Variants in FAM124A observed in about 807,000 individuals in gnomAD.
The protein encoded by FAM124A is family with sequence similarity 124 member A, also known as protein FAM124A.
FAM124A carries 23 observed loss-of-function variants against 24.5 expected under a neutral mutation model. The ratio of observed to expected loss-of-function variants is 0.94; its 90% CI spans 0.68 to 1.33. The LOEUF is 1.33. Ranked by LOEUF, FAM124A falls within the 40% of genes most tolerant of loss-of-function variation. The pLI, the probability that FAM124A is intolerant of heterozygous loss-of-function variation, is 0.00. For missense variants in FAM124A, 623 were observed against 722.8 expected, an observed-to-expected ratio of 0.86 and a Z score of 1.58; for synonymous variants, 287 against 314.7, an observed-to-expected ratio of 0.91 and a Z score of 0.93.
rs1954687462 is a variant in FAM124A at position 51,257,502 on chromosome 13, T to C, written c.834+5301T>C. 4.6e-5 allele frequency among the ~76,000 whole-genome samples: 7 copies of C among 152,342 alleles called. No individual in the cohort carries two copies. In the South Asian group the frequency reaches 1.5e-3, roughly 32 times the overall value. Reference sequence around the variant, plus strand: ...TAGACCATTTGTGTGCGTGTGCTTATGTGCGTCATCATAAAACATGCATCA... The same window carrying C: ...TAGACCATTTGTGTGCGTGTGCTTACGTGCGTCATCATAAAACATGCATCA... On this transcript the variant is annotated intron_variant, in intron 3 of 3. Transcript: ENST00000322475.
At position 51,251,778 on chromosome 13, in the gene FAM124A, C is replaced by T. The variant is rs757521370; in HGVS notation, c.411C>T (p.His137=). 1.1e-5 allele frequency: 18 copies of T among 1,587,320 alleles called. No individual in the cohort carries two copies. The highest frequency in any genetic ancestry group is 1.6e-4 in the Middle Eastern group (1 of 6,062). ...PWRHHHTEQV[H]GRFLPYLPCS... ...GCCACCACCACACCGAGCAGGTGCACGGCCGGTTCCTGCCCTACCTGCCCT... is the reference window on the plus strand; with the variant it reads ...GCCACCACCACACCGAGCAGGTGCATGGCCGGTTCCTGCCCTACCTGCCCT... Residue 137 remains histidine (H), a synonymous_variant, in exon 3 of 4, where the codon CAC becomes CAT. Coordinates refer to ENST00000322475, the MANE Select transcript of FAM124A (RefSeq NM_001242312.2). This position sits in a 1 kb window ranked among gnomAD's most constrained non-coding sequence, Gnocchi z 5.3.
At position 51,272,028 on chromosome 13, in the gene FAM124A, C is replaced by T. The variant is rs1216317633; in HGVS notation, c.835-8422C>T. Among the ~76,000 whole-genome samples, 1 of 152,122 alleles carries T rather than the reference C, an allele frequency of 6.6e-6. No homozygotes were observed. The highest frequency in any genetic ancestry group is 1.5e-5 in the Non-Finnish European group (1 of 68,036). ...ATCCATTTTTATTATGTCAAGTAGT[C>T]GGGGCTCACTTTTCTCTGAATTAGT... On this transcript the variant is annotated intron_variant, in intron 3 of 3. Coordinates refer to ENST00000322475, the MANE Select transcript of FAM124A (RefSeq NM_001242312.2). The surrounding 1 kb of genome is among the most constrained non-coding windows in gnomAD (Gnocchi z 4.2).
intron 3 of FAM124A, among the ~76,000 whole-genome samples, chr13:51,267,784 C>G (rs58037743): frequency 1.1e-4 from 17 of 152,304 alleles, no homozygotes; most frequent in African/African-American, 3.9e-4. Context: ...AGATTGTGGC[C>G]AACTGAAGTG....
intron 3 of FAM124A, among the ~76,000 whole-genome samples, chr13:51,279,999 T>C (rs1954919777): frequency 6.6e-6 from 1 of 152,184 alleles, no homozygotes; most frequent in Admixed American, 6.5e-5. Flanking sequence ...TCCTGATCAC[T>C]TCTGTCCTCT....
chr13:51,245,090 CAG>C (rs925878952), intron 2 of FAM124A, among the ~76,000 whole-genome samples: 3 of 152,326 alleles, frequency 2.0e-5, no homozygotes, highest in East Asian at 1.9e-4. Context: ...CTATCTCCTG[CAG>C]AGAGAGGGCT....
intron 1 of FAM124A, among the ~76,000 whole-genome samples, chr13:51,224,243 C>T (rs1378809201): frequency 3.3e-5 from 5 of 152,188 alleles, no homozygotes; most frequent in South Asian, 4.1e-4. Context: ...CCGAGGTGGG[C>T]GGATCACCTG....
Position 51,251,482 on chromosome 13 carries a change from G to T in FAM124A, c.115G>T (p.Glu39Ter). 4.0e-6 allele frequency: 6 copies of T among 1,500,620 alleles called. No individual in the cohort carries two copies. The South Asian group carries it at 8.5e-5, about 21-fold the overall frequency. 93.0% of individuals were successfully genotyped at this position (1,500,620 alleles called of 1,614,324 possible). Residue 39 changes from glutamate to a stop codon, truncating the protein, a stop_gained, in exon 3 of 4, where the codon GAA (glutamate) becomes TAA (stop). Transcript: ENST00000322475. LOFTEE classifies it high-confidence loss of function. The surrounding 1 kb of genome is among the most constrained non-coding windows in gnomAD (Gnocchi z 5.3). ...LSSTSSELSVEEAQDPFLVSI... is the reference protein window; with the variant it reads ...LSSTSSELSV Reference sequence around the variant, plus strand: ...CGTGCCCCCAGGTGAGCTTTCCGTTGAAGAGGCGCAGGACCCTTTCCTGGT... The same window carrying T: ...CGTGCCCCCAGGTGAGCTTTCCGTTTAAGAGGCGCAGGACCCTTTCCTGGT...
chr13:51,261,967 A>G (rs1954742981), intron 3 of FAM124A, among the ~76,000 whole-genome samples: 1 of 152,256 alleles, frequency 6.6e-6, no homozygotes, highest in Non-Finnish European at 1.5e-5. Context: ...CCTGTGCCCC[A>G]AGTTCACAGC....
intron 2 of FAM124A, among the ~76,000 whole-genome samples, chr13:51,238,705 C>T (rs1477782806): frequency 2.0e-5 from 3 of 152,178 alleles, no homozygotes; most frequent in Non-Finnish European, 4.4e-5. Context: ...ATGAAGGAAT[C>T]TACTGAAGCT....
At chr13:51,231,998 T>C (rs1954382445) in intron 2 of FAM124A, among the ~76,000 whole-genome samples, 2 of 152,218 alleles carry the variant, frequency 1.3e-5, no homozygotes, top group African/African-American at 4.8e-5. Flanking sequence ...GTATAACCGA[T>C]GTAGGTTGTA....
intron 3 of FAM124A, among the ~76,000 whole-genome samples, chr13:51,273,882 G>A (rs1237415372): frequency 6.6e-6 from 1 of 152,136 alleles, no homozygotes; most frequent in East Asian, 1.9e-4. Flanking sequence ...ATGATCCTTT[G>A]TTAATATAAA....
chr13:51,225,976 C>CTTTTTTTTTTTTTTT (rs780570797), intron 1 of FAM124A, among the ~76,000 whole-genome samples: 5 of 67,566 alleles, frequency 7.4e-5, no homozygotes, highest in Admixed American at 2.2e-4. Flanking sequence ...TGCTTGCTTT[C>CTTTTTTTTTTTTTTT]TTTTTTTTTT....
At chr13:51,242,578 TC>T (rs1954509821) in intron 2 of FAM124A, among the ~76,000 whole-genome samples, 1 of 152,210 alleles carries the variant, frequency 6.6e-6, no homozygotes, top group Admixed American at 6.5e-5. Flanking sequence ...ATTTAAAGTG[TC>T]TGTCATTCCT....
At position 51,251,911 on chromosome 13, in the gene FAM124A, A is replaced by T. The variant is rs538055450; in HGVS notation, c.544A>T (p.Asn182Tyr). ...CTTCACCGTCTACTGTCGCTACGACAACTATGCTGACAGCCTCAGGTTCTA... is the reference window on the plus strand; with the variant it reads ...CTTCACCGTCTACTGTCGCTACGACTACTATGCTGACAGCCTCAGGTTCTA... ...VRFTVYCRYD[N>Y]YADSLRFYQL... The change falls in exon 3 of 4, where the codon AAC becomes TAC. Residue 182 changes from asparagine to tyrosine, a missense_variant. Transcript: ENST00000322475. The surrounding 1 kb of genome is among the most constrained non-coding windows in gnomAD (Gnocchi z 5.3). 1.9e-6 allele frequency: 3 copies of T among 1,614,174 alleles called. No homozygotes were observed. In the African/African-American group the frequency reaches 4.0e-5, roughly 22 times the overall value.
intron 3 of FAM124A, among the ~76,000 whole-genome samples, chr13:51,261,565 T>TCCACAGTGAACATAGATCTG (rs6145054): frequency 6.6e-6 from 1 of 152,124 alleles, no homozygotes; most frequent in Non-Finnish European, 1.5e-5. Flanking sequence ...GAACTATGAT[T>TCCACAGTGAACATAGATCTG]ACAGGCAGAT....
Position 51,280,548 on chromosome 13 carries a change from A to G in FAM124A, c.933A>G (p.Pro311=). 5 of 1,613,912 alleles carry G rather than the reference A, an allele frequency of 3.1e-6. No homozygotes were observed. In the South Asian group the frequency reaches 3.3e-5, roughly 11 times the overall value. Residue 311 remains proline, a synonymous_variant, in exon 4 of 4, where the codon CCA becomes CCG. Transcript: ENST00000322475. ...CTCCTTTGCCGAGCACTGCTGTACC[A>G]AGCCATACACCTGGCAGCAGCCAGC... ...HSTPLPSTAV[P]SHTPGSSQQS...
At chr13:51,239,146 A>C (rs1224205005) in intron 2 of FAM124A, among the ~76,000 whole-genome samples, 1 of 152,248 alleles carries the variant, frequency 6.6e-6, no homozygotes, top group Non-Finnish European at 1.5e-5. Context: ...ACAGGAAACG[A>C]AAGTGAATAA....
chr13:51,245,515 T>C lies in FAM124A; in HGVS notation c.101-5953T>C, dbSNP rs548290945. ...ACAGCTCGAATTTTCAGACTGCTCT[T>C]TGTTAGAAAAGAAATGATTTGGGGG... On this transcript the variant is annotated intron_variant, in intron 2 of 3. Coordinates refer to ENST00000322475, the MANE Select transcript of FAM124A (RefSeq NM_001242312.2). 9.0e-6 allele frequency: 4 copies of C among 445,472 alleles called. No individual in the cohort carries two copies. The South Asian group carries it at 2.2e-4, about 24-fold the overall frequency. 27.6% of individuals were successfully genotyped at this position (445,472 alleles called of 1,614,324 possible).
At chr13:51,250,873 G>C (rs901402602) in intron 2 of FAM124A, among the ~76,000 whole-genome samples, 1 of 152,250 alleles carries the variant, frequency 6.6e-6, no homozygotes, top group African/African-American at 2.4e-5. Context: ...CCTGTCTATA[G>C]AGTAAGCCCC....
Sources: gnomAD v4.1 joint callset for allele counts (sites outside exome capture counted in the v4.1 genomes callset) on GRCh38, gnomAD v4.1.1 for gene constraint, Gnocchi (gnomAD v3.1) non-coding constraint, MANE v1.5 for transcripts, NCBI Gene and HGNC (gene_info 2026-07-23, HGNC 2026-07-21) for gene names.